The following EPHA5 variants were observed in gnomAD, a reference collection of about 807,000 sequenced individuals.
EPHA5 encodes the protein EPH receptor A5.
EPHA5 carries 60 observed loss-of-function variants against 105.0 expected under a neutral mutation model. That is an observed-to-expected ratio of 0.57 (90% CI 0.46 to 0.71). EPHA5 has a LOEUF of 0.71. EPHA5 is among the 30% of genes least tolerant of loss of function. The probability of loss-of-function intolerance (pLI) is 0.00; values close to 1 mark genes in which losing one functional copy is unlikely to be tolerated. For synonymous variants in EPHA5, 513 were observed against 449.1 expected, an observed-to-expected ratio of 1.14 and a Z score of -1.80; for missense variants, 1,218 against 1,274.7, an observed-to-expected ratio of 0.96 and a Z score of 0.68.
chr4:65,569,156 C>G (rs1234088512), intron 3 of EPHA5, among the ~76,000 whole-genome samples: 1 of 151,274 alleles, frequency 6.6e-6, no homozygotes, highest in Non-Finnish European at 1.5e-5. Flanking sequence ...TTAAAAGACA[C>G]AAAAAAATTT....
At chr4:65,359,174 C>T (rs1440635794) in intron 11 of EPHA5, among the ~76,000 whole-genome samples, 1 of 151,538 alleles carries the variant, frequency 6.6e-6, no homozygotes, top group Non-Finnish European at 1.5e-5. Context: ...CTTTCAGAGA[C>T]AGCACTTGTA....
At chr4:65,413,411 G>A (rs1723096322) in intron 7 of EPHA5, among the ~76,000 whole-genome samples, 2 of 152,080 alleles carry the variant, frequency 1.3e-5, no homozygotes, top group South Asian at 2.1e-4. Flanking sequence ...CAAAGGGGAT[G>A]TATAATATAG....
At chr4:65,389,891 T>C (rs1482115069) in intron 8 of EPHA5, among the ~76,000 whole-genome samples, 1 of 151,982 alleles carries the variant, frequency 6.6e-6, no homozygotes, top group Admixed American at 6.6e-5. Flanking sequence ...TTTCCCCAAT[T>C]AATTTCCACA....
chr4:65,513,784 AC>A (rs1286747853), intron 3 of EPHA5, among the ~76,000 whole-genome samples: 1 of 152,176 alleles, frequency 6.6e-6, no homozygotes, highest in African/African-American at 2.4e-5. Context: ...ATTTAAAAAA[AC>A]GTCAATACTT....
intron 5 of EPHA5, among the ~76,000 whole-genome samples, chr4:65,465,524 AAAG>A (rs1728593377): frequency 6.7e-5 from 6 of 89,174 alleles, no homozygotes; most frequent in East Asian, 2.8e-4. Context: ...AGAAAGAAAG[AAAG>A]AAAAGAAAGG....
chr4:65,581,910 C>T (rs565940230), intron 3 of EPHA5, among the ~76,000 whole-genome samples: 178 of 151,760 alleles, frequency 1.2e-3, no homozygotes, highest in African/African-American at 3.7e-3. Context: ...AAGTAATTTA[C>T]TTTAACAAAG....
At chr4:65,647,562 CT>C (rs1408486298) in intron 1 of EPHA5, among the ~76,000 whole-genome samples, 28 of 151,876 alleles carry the variant, frequency 1.8e-4, no homozygotes, top group African/African-American at 6.8e-4. Flanking sequence ...TATTGTACAA[CT>C]TAATTAAAAC....
In EPHA5 at chr4:65,322,377, T is replaced by C. The variant is rs1353284130; in HGVS notation, c.*1737A>G. 1.3e-5 allele frequency: 3 copies of C among 224,702 alleles called. No homozygotes were observed. Among genetic ancestry groups the C allele is most frequent in the African/African-American group, 6.7e-5 (3 of 44,860 alleles). The allele number at this position is 224,702 out of a possible 1,614,324, so 13.9% of individuals were successfully genotyped here. On this transcript the variant is annotated 3_prime_UTR_variant, in exon 17 of 17. Coordinates refer to ENST00000613740, the MANE Select transcript of EPHA5 (RefSeq NM_001281766.3). ...CTTGGAAAAAAGAATACCATTAATA[T>C]AACGTGGCTATATTTCTGATAAATT...
rs1400612857 is a variant in EPHA5 at position 65,485,071 on chromosome 4, A to G, written c.1402+5306T>C. ...ACTCATTAGAAAACTTGAAGAGCTA[A>G]ATAATTTTATTCATTTTATAAGATT... On this transcript the variant is annotated intron_variant, in intron 5 of 16. Coordinates refer to ENST00000613740, the MANE Select transcript of EPHA5 (RefSeq NM_001281766.3). Among the ~76,000 whole-genome samples the G allele has an allele frequency of 5.9e-5, 9 of 151,726 alleles. No individual in the cohort carries two copies. The South Asian group carries it at 1.3e-3, about 21-fold the overall frequency.
In EPHA5 at chr4:65,367,398, T is replaced by G. The variant is rs1275742586; in HGVS notation, c.1820A>C (p.Gln607Pro). The part of the protein sequence containing the change: ...GRRCGYSKAK[Q>P]DPEEEKMHFH... ...ATGCATCTTTTCCTCTTCTGGATCTTGTTTTGCTTTGCTGTAGCCACACCG... is the reference window on the plus strand; with the variant it reads ...ATGCATCTTTTCCTCTTCTGGATCTGGTTTTGCTTTGCTGTAGCCACACCG... Residue 607 changes from glutamine to proline, a missense_variant, in exon 9 of 17, where the codon CAA becomes CCA. Coordinates refer to ENST00000613740, the MANE Select transcript of EPHA5 (RefSeq NM_001281766.3). 1 of 1,612,364 alleles carries G rather than the reference T, an allele frequency of 6.2e-7. No homozygotes were observed. The highest frequency in any genetic ancestry group is 8.5e-7 in the Non-Finnish European group (1 of 1,179,332).
intron 3 of EPHA5, among the ~76,000 whole-genome samples, chr4:65,531,709 T>C (rs1735815405): frequency 6.6e-6 from 1 of 151,262 alleles, no homozygotes; most frequent in Admixed American, 6.6e-5. Context: ...ATGACCATGA[T>C]CCAGGAATCT....
intron 13 of EPHA5, among the ~76,000 whole-genome samples, chr4:65,348,693 T>TA (rs1722479162): frequency 1.7e-5 from 1 of 59,398 alleles, no homozygotes. Flanking sequence ...TATATATATA[T>TA]ATATAAAATA....
intron 5 of EPHA5, among the ~76,000 whole-genome samples, chr4:65,427,810 T>G (rs1017355125): frequency 6.6e-6 from 1 of 152,214 alleles, no homozygotes; most frequent in Non-Finnish European, 1.5e-5. Flanking sequence ...TCTTTGATTT[T>G]CATGTCTGTC....
At chr4:65,591,160 TAA>T (rs1742606494) in intron 3 of EPHA5, among the ~76,000 whole-genome samples, 1 of 152,076 alleles carries the variant, frequency 6.6e-6, no homozygotes, top group South Asian at 2.1e-4. Context: ...CTGTCTAAAA[TAA>T]AAGTTTTCCG....
Position 65,601,858 on chromosome 4 carries a change from T to G in EPHA5, c.693A>C (p.Lys231Asn). ...IALVSVRVYY[K>N]KCPSVVRHLA... is the part of the protein sequence containing the mutation. Reference sequence around the variant, plus strand: ...AGTGTCGTACCACAGAAGGGCATTTTTTATAGTATACACGCACAGAAACCA... The same window carrying G: ...AGTGTCGTACCACAGAAGGGCATTTGTTATAGTATACACGCACAGAAACCA... Residue 231 changes from lysine to asparagine, a missense_variant, in exon 3 of 17, where the codon AAA (lysine) becomes AAC (asparagine). Around this residue, in one of 3 missense-constraint regions of EPHA5, gnomAD observed 971 missense variants for 1,013.5 expected, o/e 0.96. Coordinates refer to ENST00000613740, the MANE Select transcript of EPHA5 (RefSeq NM_001281766.3). 2 of 1,614,116 alleles carry G rather than the reference T, an allele frequency of 1.2e-6. No homozygotes were observed. Among genetic ancestry groups the G allele is most frequent in the Non-Finnish European group, 8.5e-7 (1 of 1,180,018 alleles).
At chr4:65,360,462 C>T (rs548226560) in intron 11 of EPHA5, among the ~76,000 whole-genome samples, 3 of 151,786 alleles carry the variant, frequency 2.0e-5, no homozygotes, top group African/African-American at 7.2e-5. Context: ...GTTTTAAAAT[C>T]TGACATTATT....
At chr4:65,393,394 G>T (rs73822137) in intron 8 of EPHA5, among the ~76,000 whole-genome samples, 2,841 of 152,244 alleles carry the variant, frequency 0.019, 90 homozygotes, top group African/African-American at 0.064. Context: ...TCAGCTCTGA[G>T]AGTGAAGGGT....
intron 8 of EPHA5, among the ~76,000 whole-genome samples, chr4:65,386,261 GTGAA>G (rs1560479952): frequency 1.3e-5 from 2 of 151,778 alleles, no homozygotes; most frequent in South Asian, 4.2e-4. Flanking sequence ...TTGCTTATAA[GTGAA>G]TGATCTCATT....
intron 2 of EPHA5, among the ~76,000 whole-genome samples, chr4:65,620,241 A>G (rs1254036858): frequency 1.3e-5 from 2 of 151,896 alleles, no homozygotes; most frequent in Non-Finnish European, 2.9e-5. Flanking sequence ...AAACAATCCA[A>G]AGAAGAAGCT....
Sources: allele counts gnomAD v4.1 joint callset (sites outside exome capture counted in the v4.1 genomes callset), GRCh38; gene constraint gnomAD v4.1.1; regional missense constraint gnomAD v4.1.1; transcripts MANE v1.5; gene names NCBI Gene and HGNC (gene_info 2026-07-23, HGNC 2026-07-21).